Variants in MSH4 observed in about 807,000 individuals in gnomAD.
MSH4 encodes mutS protein homolog 4.
In MSH4, 106 loss-of-function variants were observed where a neutral mutation model predicts 113.7. The observed-to-expected ratio is 0.93, with a 90% CI of 0.80 to 1.10. The LOEUF (loss-of-function observed/expected upper bound fraction) is 1.10. MSH4 is among the 50% of genes least tolerant of loss of function. The pLI, the probability that MSH4 is intolerant of heterozygous loss-of-function variation, is 0.00. For missense variants in MSH4, 1,061 were observed against 1,093.7 expected (o/e 0.97, Z 0.42); for synonymous variants, 368 against 380.2 (o/e 0.97, Z 0.37).
chr1:75,902,677 A>G (rs867218211), intron 19 of MSH4, among the ~76,000 whole-genome samples: 2,296 of 5,318 alleles, frequency 0.43, 64 homozygotes, highest in African/African-American at 0.49. Flanking sequence ...GTGTATGTAT[A>G]TATATATATA....
At chr1:75,822,673 G>A in intron 7 of MSH4, 92 bp downstream of exon 7, 1 of 641,658 alleles carries the variant, frequency 1.6e-6, no homozygotes, top group Non-Finnish European at 2.4e-6. Context: ...GACAAGTAGT[G>A]AAGGTGTTAA....
intron 8 of MSH4, among the ~76,000 whole-genome samples, chr1:75,857,066 G>A (rs1651335591): frequency 6.6e-6 from 1 of 152,090 alleles, no homozygotes; most frequent in Non-Finnish European, 1.5e-5. Context: ...TCATATGTCT[G>A]TTGGCTGCAT....
intron 8 of MSH4, 27 bp from the exon 9 acceptor site, chr1:75,867,487 T>C (rs3765682): frequency 0.08 from 104,123 of 1,296,924 alleles, 6,370 homozygotes; most frequent in East Asian, 0.29. Context: ...ATGGTGTCCA[T>C]CCAAATTTGG....
intron 17 of MSH4, 102 bp downstream of exon 17, chr1:75,890,926 TTAGA>T (rs1439625780): frequency 9.2e-7 from 1 of 1,088,928 alleles, no homozygotes; most frequent in African/African-American, 1.6e-5. Flanking sequence ...TTAAAACAAT[TTAGA>T]TAGTAAACAC....
intron 15 of MSH4, among the ~76,000 whole-genome samples, chr1:75,884,223 A>C (rs1374714130): frequency 6.6e-6 from 1 of 152,132 alleles, no homozygotes; most frequent in African/African-American, 2.4e-5. Flanking sequence ...AAAATTATTA[A>C]ATATAATATT....
At chr1:75,819,220 G>A (rs182999320) in intron 6 of MSH4, among the ~76,000 whole-genome samples, 44 of 152,236 alleles carry the variant, frequency 2.9e-4, no homozygotes, top group Middle Eastern at 3.4e-3. Flanking sequence ...GGCTAAGTGC[G>A]GTGGCTCATG....
intron 7 of MSH4, among the ~76,000 whole-genome samples, chr1:75,836,627 C>T (rs919673114): frequency 1.3e-5 from 2 of 152,086 alleles, no homozygotes; most frequent in African/African-American, 2.4e-5. Flanking sequence ...GTAATGGACA[C>T]GTTAGTTCTC....
intron 9 of MSH4, among the ~76,000 whole-genome samples, chr1:75,875,183 G>A (rs1310844343): frequency 6.6e-6 from 1 of 152,206 alleles, no homozygotes. Context: ...TGTGAGCCAT[G>A]GCGCCAGGCC....
chr1:75,824,385 T>C lies in MSH4; in HGVS notation c.1162+1804T>C, dbSNP rs1005188642. Among the ~76,000 whole-genome samples, 3 of 152,236 alleles carry C rather than the reference T, an allele frequency of 2.0e-5. No individual in the cohort carries two copies. In the East Asian group the frequency reaches 5.8e-4, roughly 29 times the overall value. On this transcript the variant is annotated intron_variant, in intron 7 of 19. Coordinates refer to ENST00000263187, the MANE Select transcript of MSH4 (RefSeq NM_002440.4). Reference sequence around the variant, plus strand: ...TTCTGGATTTTAGAGCTTTGTCAGATGGGTAGATTGTAAAAATTTTCTCCC... The same window carrying C: ...TTCTGGATTTTAGAGCTTTGTCAGACGGGTAGATTGTAAAAATTTTCTCCC...
chr1:75,891,341 TA>T (rs1222693978), intron 17 of MSH4, among the ~76,000 whole-genome samples: 3 of 152,164 alleles, frequency 2.0e-5, no homozygotes, highest in Non-Finnish European at 4.4e-5. Context: ...TATATACAGA[TA>T]TGAACAAAAC....
chr1:75,897,997 C>A lies in MSH4; in HGVS notation c.2446C>A (p.His816Asn), dbSNP rs776269620. The A allele has an allele frequency of 1.6e-5, 25 of 1,606,688 alleles. No individual in the cohort carries two copies. The highest frequency in any genetic ancestry group is 2.1e-5 in the Non-Finnish European group (25 of 1,175,638). Residue 816 changes from histidine to asparagine, a missense_variant, in exon 18 of 20, where the codon CAT becomes AAT. By Grantham distance (68) the His-to-Asn change is moderately conservative (BLOSUM62 1). Transcript: ENST00000263187. ...AGAAAACATGCATTTTGAAGTTCAA[C>A]ATGTAAAGAATACCTCAAGAAATAA... ...NVENMHFEVQ[H>N]VKNTSRNKEA...
intron 7 of MSH4, among the ~76,000 whole-genome samples, chr1:75,825,085 C>G (rs1395748131): frequency 1.3e-5 from 2 of 151,922 alleles, no homozygotes; most frequent in Non-Finnish European, 2.9e-5. Flanking sequence ...ATTGATTCCT[C>G]CTATCTGTGA....
chr1:75,830,124 GA>G (rs1205502444), intron 7 of MSH4, among the ~76,000 whole-genome samples: 1 of 152,074 alleles, frequency 6.6e-6, no homozygotes, highest in African/African-American at 2.4e-5. Flanking sequence ...ACCGTGGCAC[GA>G]GAACTTCTTG....
At chr1:75,825,573 C>T (rs946130020) in intron 7 of MSH4, among the ~76,000 whole-genome samples, 12 of 152,078 alleles carry the variant, frequency 7.9e-5, no homozygotes, top group African/African-American at 2.4e-4. Context: ...CAGTTTTTGC[C>T]CATTCAATAT....
chr1:75,902,876 AT>A (rs1331061258), intron 19 of MSH4, among the ~76,000 whole-genome samples: 11 of 149,668 alleles, frequency 7.3e-5, no homozygotes, highest in East Asian at 2.0e-4. Flanking sequence ...ATTTGGTGGG[AT>A]TTTTTTGCTA....
At chr1:75,811,906 G>A (rs1418801134) in intron 4 of MSH4, among the ~76,000 whole-genome samples, 1 of 152,158 alleles carries the variant, frequency 6.6e-6, no homozygotes, top group Non-Finnish European at 1.5e-5. Context: ...TGGATTTCCT[G>A]TATAGATGAG....
At chr1:75,892,808 G>T (rs1040660714) in intron 17 of MSH4, among the ~76,000 whole-genome samples, 3 of 152,106 alleles carry the variant, frequency 2.0e-5, no homozygotes, top group African/African-American at 7.2e-5. Context: ...ACAGCAGGGG[G>T]GCTGTAAGAA....
rs764004750 is a variant in MSH4 at position 75,889,347 on chromosome 1, C to T, written c.2204C>T (p.Thr735Ile). The change falls in exon 16 of 20, where the codon ACA (threonine) becomes ATA (isoleucine). Residue 735 changes from threonine (T) to isoleucine (I), a missense_variant. Transcript: ENST00000263187. The stretch of plus-strand genomic sequence containing the variant: ...GATGATATCGAAACAAATTCATCAA[C>T]ATTTATGAAAGAAATGAAAGAGGTA... The part of the protein sequence containing the change: ...TDDDIETNSS[T>I]FMKEMKEIAY... 4.0e-6 allele frequency: 6 copies of T among 1,490,804 alleles called. No homozygotes were observed. Among genetic ancestry groups the T allele is most frequent in the African/African-American group, 2.8e-5 (2 of 70,468 alleles). The allele number at this position is 1,490,804 out of a possible 1,614,324, so 92.3% of individuals were successfully genotyped here. A position where few individuals can be genotyped will look rare whatever the true frequency, so the allele number is the denominator to read the frequency against.
rs761816901 is a variant in MSH4 at position 75,883,831 on chromosome 1, G to A, written c.2107+10G>A. 3 of 1,603,860 alleles carry A rather than the reference G, an allele frequency of 1.9e-6. No individual in the cohort carries two copies. Among genetic ancestry groups the A allele is most frequent in the East Asian group, 2.2e-5 (1 of 44,674 alleles). ...ATTATGGCCCAGATTGGTAAGTTAT[G>A]GCTTTATTTATAATGACCAGTTTTA... is the stretch of plus-strand genomic sequence containing the variant. On this transcript the variant is annotated intron_variant, in intron 15 of 19. Coordinates refer to ENST00000263187, the MANE Select transcript of MSH4 (RefSeq NM_002440.4).
Sources: gnomAD v4.1 joint callset for allele counts (sites outside exome capture counted in the v4.1 genomes callset) on GRCh38, gnomAD v4.1.1 for gene constraint, MANE v1.5 for transcripts, NCBI Gene and HGNC (gene_info 2026-07-23, HGNC 2026-07-21) for gene names.